MYH15: variants seen among roughly 807,000 people sequenced by gnomAD.
The protein encoded by MYH15 is myosin-15.
In MYH15, 227 loss-of-function variants were observed where a neutral mutation model predicts 240.5. The observed-to-expected ratio is 0.94, with a 90% confidence interval of 0.85 to 1.05. The LOEUF is 1.05. Among genes scored for constraint, MYH15 ranks in the 50% least tolerant of loss-of-function variants. The probability of loss-of-function intolerance (pLI) is 0.00; values close to 1 mark genes in which losing one functional copy is unlikely to be tolerated. For missense variants in MYH15, 2,217 were observed against 2,247.5 expected (o/e 0.99, Z 0.27); for synonymous variants, 785 against 796.7 (o/e 0.99, Z 0.25).
Position 108,441,125 on chromosome 3 carries a change from T to G in MYH15, c.2791A>C (p.Arg931=). 1 of 1,614,166 alleles carries G rather than the reference T, an allele frequency of 6.2e-7. No homozygotes were observed. Among genetic ancestry groups the G allele is most frequent in the Non-Finnish European group, 8.5e-7 (1 of 1,180,006 alleles). ...CATTCATCTTCGAGTTTCCGCCCCC[T>G]GGCAGTCAGCTCAGAATTTATCTCC... ...EEEINSELTA[R]GRKLEDECFE... is the part of the protein sequence containing the mutation. The change falls in exon 23 of 41, where the codon AGG becomes CGG. Residue 931 remains arginine, a synonymous_variant. Coordinates refer to ENST00000693548, the MANE Select transcript of MYH15 (RefSeq NM_014981.3).
intron 10 of MYH15, 49 bp downstream of exon 10, chr3:108,486,374 T>G: frequency 6.9e-7 from 1 of 1,457,864 alleles, no homozygotes. Flanking sequence ...CTGTCTTTCA[T>G]TTCTCATTGC....
At chr3:108,494,367 A>G (rs2083376239) in intron 7 of MYH15, among the ~76,000 whole-genome samples, 1 of 151,964 alleles carries the variant, frequency 6.6e-6, no homozygotes, top group Admixed American at 6.5e-5. Flanking sequence ...AGATTTCTTG[A>G]TTTTTTTGAA....
At chr3:108,474,959 T>A (rs1252970876) in intron 12 of MYH15, among the ~76,000 whole-genome samples, 1 of 152,206 alleles carries the variant, frequency 6.6e-6, no homozygotes, top group African/African-American at 2.4e-5. Context: ...GACAAAAATC[T>A]AAGCAGATTA....
chr3:108,416,252 T>C (rs932750586), intron 29 of MYH15, among the ~76,000 whole-genome samples: 1 of 152,224 alleles, frequency 6.6e-6, no homozygotes. Flanking sequence ...ACAAGTAAGA[T>C]AGTTTGGGGT....
intron 14 of MYH15, among the ~76,000 whole-genome samples, chr3:108,467,968 CTTT>C (rs371855484): frequency 2.8e-5 from 4 of 143,330 alleles, no homozygotes; most frequent in Non-Finnish European, 4.6e-5. Context: ...TTGATATAAA[CTTT>C]TTTTTTTTTT....
chr3:108,427,604 C>T (rs1267644520), intron 27 of MYH15, among the ~76,000 whole-genome samples: 5 of 99,216 alleles, frequency 5.0e-5, no homozygotes, highest in African/African-American at 7.8e-5. Flanking sequence ...CTAAGACACA[C>T]ACACACACAC....
chr3:108,480,015 TAAG>T (rs1459298791), intron 11 of MYH15, among the ~76,000 whole-genome samples: 1 of 152,112 alleles, frequency 6.6e-6, no homozygotes, highest in Non-Finnish European at 1.5e-5. Flanking sequence ...GATAATGTAA[TAAG>T]AAGATAAATA....
At position 108,383,746 on chromosome 3, in the gene MYH15, A is replaced by C. The variant is rs781225468; in HGVS notation, c.5632-17T>G. The C allele has an allele frequency of 6.5e-7, 1 of 1,535,500 alleles. No homozygotes were observed. The highest frequency in any genetic ancestry group is 8.7e-7 in the Non-Finnish European group (1 of 1,146,668). On this transcript the variant is annotated splice_polypyrimidine_tract_variant and intron_variant, in intron 39 of 40. Coordinates refer to ENST00000693548, the MANE Select transcript of MYH15 (RefSeq NM_014981.3). The stretch of plus-strand genomic sequence containing the variant: ...TTGTGTTTCCTATAAAAATAAAAAA[A>C]AAAAAAAAGAAATCTCCATGCCTAT...
rs2083222863 is a variant in MYH15, at chr3:108,476,519, G to C, written c.1115-4C>G. The C allele has an allele frequency of 6.3e-7, 1 of 1,574,858 alleles. No individual in the cohort carries two copies. Among genetic ancestry groups the C allele is most frequent in the East Asian group, 2.2e-5 (1 of 44,614 alleles). On this transcript the variant is annotated splice_region_variant and splice_polypyrimidine_tract_variant and intron_variant, in intron 11 of 40. Coordinates refer to ENST00000693548, the MANE Select transcript of MYH15 (RefSeq NM_014981.3). ...AGGAAAGCAGCTTTGTCAGCATCTG[G>C]TCATCAGAAATAGAAGAAAAGGAAG...
the MYH15 span, among the ~76,000 whole-genome samples, chr3:108,538,171 A>C: frequency 2.0e-5 from 3 of 152,184 alleles, no homozygotes; most frequent in Non-Finnish European, 4.4e-5. Context: ...GTGTGGGATC[A>C]TTCATCCTAG....
chr3:108,463,235 A>G lies in MYH15; in HGVS notation c.1740T>C (p.Tyr580=). 3.7e-6 allele frequency: 6 copies of G among 1,605,956 alleles called. No homozygotes were observed. The highest frequency in any genetic ancestry group is 5.1e-6 in the Non-Finnish European group (6 of 1,177,848). ...TCTTTTCCAGCCAACCACTGATATTATAAGGTACCTTTGGAAAGGCATGCA... is the reference window on the plus strand; with the variant it reads ...TCTTTTCCAGCCAACCACTGATATTGTAAGGTACCTTTGGAAAGGCATGCA... The part of the protein sequence containing the change: ...ELVHYAGVVP[Y]NISGWLEKNK... Residue 580 remains tyrosine (Y), a synonymous_variant, in exon 16 of 41, where the codon TAT becomes TAC. Coordinates refer to ENST00000693548, the MANE Select transcript of MYH15 (RefSeq NM_014981.3).
chr3:108,388,981 G>A lies in MYH15; in HGVS notation c.5524C>T (p.Leu1842=). Residue 1842 remains leucine, a synonymous_variant, in exon 38 of 41, where the codon CTG becomes TTG. Coordinates refer to ENST00000693548, the MANE Select transcript of MYH15 (RefSeq NM_014981.3). ...ARRLERCIKE[L]TYQAEEDKKN... Reference sequence around the variant, plus strand: ...GTTTCCTGGAGTACCTGATAGGTCAGCTCTTTGATGCATCGCTCAAGTCTG... The same window carrying A: ...GTTTCCTGGAGTACCTGATAGGTCAACTCTTTGATGCATCGCTCAAGTCTG... The A allele has an allele frequency of 6.2e-7, 1 of 1,613,502 alleles. No homozygotes were observed. Among genetic ancestry groups the A allele is most frequent in the Non-Finnish European group, 8.5e-7 (1 of 1,179,676 alleles).
At position 108,459,072 on chromosome 3, in the gene MYH15, T is replaced by C. The variant is rs149114443; in HGVS notation, c.2020+290A>G. Among the ~76,000 whole-genome samples the C allele has an allele frequency of 6.6e-5, 10 of 152,314 alleles. No homozygotes were observed. In the East Asian group the frequency reaches 1.9e-3, roughly 29 times the overall value. ...TAGTTTGTCCTTGTAGACAATGGCA[T>C]GGGAGCTCACTCATGTTCAGCATAA... On this transcript the variant is annotated intron_variant, in intron 18 of 40. Transcript: ENST00000693548.
rs2082366956 is a variant in MYH15 at position 108,384,566 on chromosome 3, C to A, written c.5631+121G>T. 1.6e-5 allele frequency: 13 copies of A among 811,634 alleles called. No homozygotes were observed. The East Asian group carries it at 3.2e-4, about 20-fold the overall frequency. The allele number at this position is 811,634 out of a possible 1,614,324, so 50.3% of individuals were successfully genotyped here. A position where few individuals can be genotyped will look rare whatever the true frequency, so the allele number is the denominator to read the frequency against. ...CTTGAGAAAAAAAACTGAGGATGAG[C>A]AGACTCTAAGCTGAGCAGGTCCTCT... On this transcript the variant is annotated intron_variant, in intron 39 of 40. Coordinates refer to ENST00000693548, the MANE Select transcript of MYH15 (RefSeq NM_014981.3).
At chr3:108,544,035 G>A in the MYH15 span, among the ~76,000 whole-genome samples, 1 of 152,200 alleles carries the variant, frequency 6.6e-6, no homozygotes, top group African/African-American at 2.4e-5. Context: ...TACTTCAACT[G>A]TATTCTCTAC....
intron 26 of MYH15, among the ~76,000 whole-genome samples, chr3:108,429,782 C>T (rs929081379): frequency 8.5e-5 from 13 of 152,126 alleles, no homozygotes; most frequent in African/African-American, 2.9e-4. Flanking sequence ...AGTAGTCTAT[C>T]AGTTCTATAG....
chr3:108,495,455 T>C (rs1049772249), intron 7 of MYH15, among the ~76,000 whole-genome samples: 3 of 152,282 alleles, frequency 2.0e-5, no homozygotes, highest in Middle Eastern at 3.4e-3. Context: ...AATTCAAATA[T>C]GTAAAACATA....
chr3:108,408,496 A>G, intron 31 of MYH15, 92 bp from the exon 32 acceptor site: 1 of 1,294,416 alleles, frequency 7.7e-7, no homozygotes, highest in Non-Finnish European at 1.0e-6. Flanking sequence ...AGCCCACTGG[A>G]ACAGTGACCT....
rs1156575987 is a variant in MYH15, at chr3:108,416,885, T to C, written c.3875A>G (p.Gln1292Arg). 6.2e-7 allele frequency: 1 copy of C among 1,614,014 alleles called. No homozygotes were observed. The highest frequency in any genetic ancestry group is 2.2e-5 in the East Asian group (1 of 44,896). The part of the protein sequence containing the change: ...RLEEKEALIN[Q>R]LSREKSNFTR... ...GAAGTTGCTCTTTTCCCTGGAAAGT[T>C]GGTTTATCAGAGCCTCCTTCTCTTC... is the stretch of plus-strand genomic sequence containing the variant. The change falls in exon 29 of 41, where the codon CAA (glutamine) becomes CGA (arginine). Residue 1292 changes from glutamine (Q) to arginine (R), a missense_variant. Gln to Arg is a conservative substitution (Grantham distance 43). Transcript: ENST00000693548.
Sources: gnomAD v4.1 joint callset for allele counts (sites outside exome capture counted in the v4.1 genomes callset) on GRCh38, gnomAD v4.1.1 for gene constraint, MANE v1.5 for transcripts, NCBI Gene and HGNC (gene_info 2026-07-23, HGNC 2026-07-21) for gene names.